The following PKD1L1 variants were observed in gnomAD, a reference collection of about 807,000 sequenced individuals.
PKD1L1 encodes polycystin-1-like protein 1.
A neutral mutation model predicts 323.4 loss-of-function variants in PKD1L1; 236 were observed. That is an observed-to-expected ratio of 0.73 (90% CI 0.66 to 0.81). The LOEUF (loss-of-function observed/expected upper bound fraction) is 0.81, where lower values mean the gene tolerates loss of function less well. Among genes scored for constraint, PKD1L1 ranks in the 40% least tolerant of loss-of-function variants. PKD1L1 has a pLI of 0.00. For synonymous variants in PKD1L1, 1,344 were observed against 1,335.0 expected, an observed-to-expected ratio of 1.01 and a Z score of -0.15; for missense variants, 3,320 against 3,508.0, an observed-to-expected ratio of 0.95 and a Z score of 1.35.
chr7:47,915,567 C>A lies in PKD1L1; in HGVS notation c.1093G>T (p.Asp365Tyr), dbSNP rs775653311. ...IFFHLLHFQL[D>Y]MSTYKEAETQ... ...TCTGCTTCTTTGTAGGTGGACATATCCAACTGAAAATGTAAAAGATGAAAA... is the reference window on the plus strand; with the variant it reads ...TCTGCTTCTTTGTAGGTGGACATATACAACTGAAAATGTAAAAGATGAAAA... Residue 365 changes from aspartate (D) to tyrosine (Y), a missense_variant, in exon 8 of 57, where the codon GAT becomes TAT. Coordinates refer to ENST00000289672, the MANE Select transcript of PKD1L1 (RefSeq NM_138295.5). The A allele has an allele frequency of 1.9e-6, 3 of 1,548,066 alleles. No homozygotes were observed. The highest frequency in any genetic ancestry group is 3.5e-5 in the Admixed American group (2 of 56,808).
chr7:47,833,063 G>C (rs753722077), intron 41 of PKD1L1, 27 bp downstream of exon 41: 6 of 1,595,880 alleles, frequency 3.8e-6, no homozygotes, highest in South Asian at 2.3e-5. Flanking sequence ...TGGCAGGAAG[G>C]GGGCTGTGGT....
upstream of PKD1L1, among the ~76,000 whole-genome samples, chr7:47,952,058 T>C (rs1788212560): frequency 6.6e-6 from 1 of 152,222 alleles, no homozygotes; most frequent in African/African-American, 2.4e-5. Flanking sequence ...CTTGTGGACC[T>C]CTACTCATTT....
At chr7:47,811,400 C>A (rs984643733) in intron 50 of PKD1L1, among the ~76,000 whole-genome samples, 6 of 152,122 alleles carry the variant, frequency 3.9e-5, no homozygotes, top group African/African-American at 1.4e-4. Flanking sequence ...TGTGATCCGC[C>A]CACCTCGGCC....
chr7:47,825,992 T>C (rs1313392769), intron 45 of PKD1L1, among the ~76,000 whole-genome samples: 1 of 152,044 alleles, frequency 6.6e-6, no homozygotes, highest in Non-Finnish European at 1.5e-5. Context: ...GAGGGCTACG[T>C]CCTGGCAGAG....
intron 24 of PKD1L1, among the ~76,000 whole-genome samples, chr7:47,872,777 G>A (rs1786310127): frequency 6.6e-6 from 1 of 152,292 alleles, no homozygotes; most frequent in Admixed American, 6.5e-5. Context: ...AAATAGTTTG[G>A]TAGTTACCAT....
At chr7:47,945,862 C>T (rs991667865) in intron 1 of PKD1L1, among the ~76,000 whole-genome samples, 3 of 152,096 alleles carry the variant, frequency 2.0e-5, no homozygotes, top group Non-Finnish European at 4.4e-5. Context: ...AAAACACCAG[C>T]CCTGGTTCCT....
intron 45 of PKD1L1, among the ~76,000 whole-genome samples, chr7:47,826,547 T>A (rs933083149): frequency 6.6e-6 from 1 of 152,214 alleles, no homozygotes; most frequent in Non-Finnish European, 1.5e-5. Context: ...TGGTTGGAAG[T>A]GCTTCTGTGA....
chr7:47,884,179 G>C (rs941873759), intron 19 of PKD1L1, among the ~76,000 whole-genome samples: 8 of 150,688 alleles, frequency 5.3e-5, no homozygotes, highest in African/African-American at 2.0e-4. Flanking sequence ...TGGGGGTTGG[G>C]GGGAAGGCGG....
chr7:47,776,115 T>C (rs371183315), intron 56 of PKD1L1, among the ~76,000 whole-genome samples: 1 of 152,228 alleles, frequency 6.6e-6, no homozygotes, highest in Non-Finnish European at 1.5e-5. Context: ...TTACCAAAGT[T>C]ATCTCAAAAA....
At chr7:47,923,093 C>T (rs979477433) in intron 7 of PKD1L1, among the ~76,000 whole-genome samples, 6 of 152,168 alleles carry the variant, frequency 3.9e-5, no homozygotes, top group Admixed American at 3.9e-4. Context: ...GGATTAAGGG[C>T]AGTGCAAGGT....
intron 8 of PKD1L1, among the ~76,000 whole-genome samples, chr7:47,912,331 A>C (rs1017513087): frequency 6.6e-6 from 1 of 152,222 alleles, no homozygotes; most frequent in African/African-American, 2.4e-5. Context: ...AAAGAGAACT[A>C]ATAGATGTAT....
At chr7:47,914,526 G>A (rs1287895367) in intron 8 of PKD1L1, among the ~76,000 whole-genome samples, 1 of 152,230 alleles carries the variant, frequency 6.6e-6, no homozygotes, top group Non-Finnish European at 1.5e-5. Context: ...CAAAGGAAGA[G>A]GCTTGGGCCA....
chr7:47,815,373 G>A lies in PKD1L1; in HGVS notation c.7050C>T (p.Tyr2350=). The change falls in exon 47 of 57, where the codon TAC becomes TAT. Residue 2350 remains tyrosine, a synonymous_variant. Transcript: ENST00000289672. ...CACGGGCTGACGGGGTGCCTCCCGG[G>A]TACAGGCCATCCAGAAGTGTGGTCA... The part of the protein sequence containing the change: ...WSLTTLLDGL[Y]PGGTPSARVP... 6.2e-7 allele frequency: 1 copy of A among 1,614,180 alleles called. No homozygotes were observed. The highest frequency in any genetic ancestry group is 1.1e-5 in the South Asian group (1 of 91,080).
chr7:47,833,725 A>G (rs1785397597), intron 40 of PKD1L1, among the ~76,000 whole-genome samples: 1 of 152,174 alleles, frequency 6.6e-6, no homozygotes, highest in African/African-American at 2.4e-5. Context: ...AGCCTGGCAA[A>G]CAGGGCACCA....
In PKD1L1 at chr7:47,790,796, G is replaced by C. The variant is rs185286328; in HGVS notation, c.8526+1831C>G. On this transcript the variant is annotated intron_variant, in intron 56 of 56. Coordinates refer to ENST00000289672, the MANE Select transcript of PKD1L1 (RefSeq NM_138295.5). ...TTTTCTGTTTTTTTTTTTGAGACGT[G>C]GTCTCACTCTGTCACCTAGGCTGGA... Among the ~76,000 whole-genome samples the C allele has an allele frequency of 1.4e-3, 216 of 149,648 alleles. 1 individual carries two copies. The highest frequency in any genetic ancestry group is 4.2e-3 in the Admixed American group (64 of 15,070).
chr7:47,785,962 G>A (rs974426602), intron 56 of PKD1L1, among the ~76,000 whole-genome samples: 3 of 151,948 alleles, frequency 2.0e-5, no homozygotes, highest in Non-Finnish European at 1.5e-5. Flanking sequence ...AGCTGGTCTC[G>A]AACTCCTTAC....
intron 54 of PKD1L1, among the ~76,000 whole-genome samples, chr7:47,799,594 G>A (rs543422970): frequency 6.6e-6 from 1 of 152,332 alleles, no homozygotes; most frequent in South Asian, 2.1e-4. Context: ...GGTGCAATGA[G>A]GAGGCATGCT....
chr7:47,907,568 G>T (rs186356501), intron 9 of PKD1L1, among the ~76,000 whole-genome samples: 131 of 152,252 alleles, frequency 8.6e-4, no homozygotes, highest in African/African-American at 3.1e-3. Flanking sequence ...TGGATATTTT[G>T]TCCTTCATCA....
Position 47,908,196 on chromosome 7 carries a change from A to G in PKD1L1, c.1283T>C (p.Val428Ala). 6.2e-7 allele frequency: 1 copy of G among 1,614,230 alleles called. No individual in the cohort carries two copies. Among genetic ancestry groups the G allele is most frequent in the Non-Finnish European group, 8.5e-7 (1 of 1,180,028 alleles). Reference protein sequence around the residue: ...VIYNEFHGTEVELGPYYVEIG... With the variant: ...VIYNEFHGTEAELGPYYVEIG... Reference sequence around the variant, plus strand: ...CTCCACATAATAAGGCCCAAGCTCCACTTCGGTTCCATGAAACTCGTTATA... The same window carrying G: ...CTCCACATAATAAGGCCCAAGCTCCGCTTCGGTTCCATGAAACTCGTTATA... Residue 428 changes from valine (V) to alanine (A), a missense_variant, in exon 9 of 57, where the codon GTG becomes GCG. Val to Ala is a moderately conservative substitution (Grantham distance 64). Transcript: ENST00000289672.
Sources: allele counts gnomAD v4.1 joint callset (sites outside exome capture counted in the v4.1 genomes callset), GRCh38; gene constraint gnomAD v4.1.1; transcripts MANE v1.5; gene names NCBI Gene and HGNC (gene_info 2026-07-23, HGNC 2026-07-21).